CA1: variants seen among roughly 807,000 people sequenced by gnomAD.
The protein encoded by CA1 is carbonic anhydrase 1.
A neutral mutation model predicts 28.8 loss-of-function variants in CA1; 27 were observed. The observed-to-expected ratio is 0.94, with a 90% CI of 0.69 to 1.29. CA1 has a LOEUF of 1.29. Among genes scored for constraint, CA1 ranks in the 50% most tolerant of loss-of-function variants. The pLI, the probability that CA1 is intolerant of heterozygous loss-of-function variation, is 0.00. For synonymous variants in CA1, 121 were observed against 108.8 expected (o/e 1.11, Z -0.70); for missense variants, 335 against 310.5 (o/e 1.08, Z -0.59).
intron 1 of CA1, among the ~76,000 whole-genome samples, chr8:85,353,200 G>T (rs929957789): frequency 6.6e-6 from 1 of 152,192 alleles, no homozygotes; most frequent in African/African-American, 2.4e-5. Flanking sequence ...CTAACATGAC[G>T]CTATAGACTT....
chr8:85,349,158 A>T (rs1350044984), intron 1 of CA1, among the ~76,000 whole-genome samples: 1 of 152,226 alleles, frequency 6.6e-6, no homozygotes, highest in African/African-American at 2.4e-5. Flanking sequence ...AAGAAATAGA[A>T]ATAGTTTCTT....
chr8:85,369,081 C>G (rs982757603), intron 1 of CA1, among the ~76,000 whole-genome samples: 3 of 152,178 alleles, frequency 2.0e-5, no homozygotes, highest in Non-Finnish European at 2.9e-5. Context: ...CAGCCTTGAA[C>G]CCTGATCTCT....
At chr8:85,354,489 G>A (rs1809531922) in intron 1 of CA1, among the ~76,000 whole-genome samples, 2 of 152,088 alleles carry the variant, frequency 1.3e-5, no homozygotes, top group African/African-American at 4.8e-5. Flanking sequence ...TGTTTTTAGA[G>A]TTCTCTAAAA....
intron 1 of CA1, among the ~76,000 whole-genome samples, chr8:85,367,809 A>G (rs891276975): frequency 6.6e-6 from 1 of 152,208 alleles, no homozygotes; most frequent in African/African-American, 2.4e-5. Flanking sequence ...AGATGTACAC[A>G]AGTGATATCT....
chr8:85,341,293 C>T (rs1808916245), intron 2 of CA1: 1 of 271,180 alleles, frequency 3.7e-6, no homozygotes. Flanking sequence ...CTTGTAAATG[C>T]CATGGAAAAC....
At chr8:85,358,651 C>T (rs1014991863) in intron 1 of CA1, among the ~76,000 whole-genome samples, 4 of 152,194 alleles carry the variant, frequency 2.6e-5, no homozygotes, top group Non-Finnish European at 4.4e-5. Context: ...TATCCATACC[C>T]TTTTGTAGTC....
intron 1 of CA1, among the ~76,000 whole-genome samples, chr8:85,359,599 A>C (rs776179759): frequency 1.3e-5 from 2 of 152,236 alleles, no homozygotes; most frequent in Non-Finnish European, 2.9e-5. Context: ...ATGAAAAGGA[A>C]GCCCTGCATG....
chr8:85,372,686 C>G (rs1254994008), intron 1 of CA1, among the ~76,000 whole-genome samples: 3 of 152,170 alleles, frequency 2.0e-5, no homozygotes, highest in Non-Finnish European at 4.4e-5. Context: ...CCACCACAGT[C>G]CAAAATTATT....
At chr8:85,368,370 A>G (rs1165343200) in intron 1 of CA1, among the ~76,000 whole-genome samples, 1 of 151,902 alleles carries the variant, frequency 6.6e-6, no homozygotes, top group Non-Finnish European at 1.5e-5. Context: ...AGGTTTCACC[A>G]TGTTGGCTAG....
At chr8:85,348,876 A>G (rs913821029) in intron 1 of CA1, among the ~76,000 whole-genome samples, 1 of 152,188 alleles carries the variant, frequency 6.6e-6, no homozygotes, top group Admixed American at 6.5e-5. Flanking sequence ...GTGTGCTACT[A>G]CTAATAGAAA....
intron 1 of CA1, among the ~76,000 whole-genome samples, chr8:85,352,143 G>C (rs1235493527): frequency 1.3e-5 from 2 of 152,102 alleles, no homozygotes; most frequent in East Asian, 3.8e-4. Context: ...TGAAACACCA[G>C]GTCTGCATCC....
intron 2 of CA1, chr8:85,341,360 A>C: frequency 2.6e-6 from 1 of 387,446 alleles, no homozygotes; most frequent in South Asian, 5.9e-5. Context: ...AGGGGTCTGA[A>C]ACTGAACCTT....
chr8:85,340,541 G>A (rs1808871896), intron 2 of CA1, among the ~76,000 whole-genome samples: 1 of 152,158 alleles, frequency 6.6e-6, no homozygotes, highest in Non-Finnish European at 1.5e-5. Context: ...GCAGTCTATG[G>A]ATCAAGGAGT....
Position 85,334,900 on chromosome 8 carries a change from GA to G in CA1, c.355-1281del, listed in dbSNP as rs1281386779. On this transcript the variant is annotated intron_variant, in intron 4 of 7. Transcript: ENST00000523022. Reference sequence around the variant, plus strand: ...AGCTACTCAGGAGGCCGGGGCAGGAGAATCACTTGAACCTGAGAGGAGGAGG... The same window carrying G: ...AGCTACTCAGGAGGCCGGGGCAGGAGATCACTTGAACCTGAGAGGAGGAGG... Among the ~76,000 whole-genome samples the G allele has an allele frequency of 1.6e-4, 25 of 152,114 alleles. 1 individual carries two copies. Among genetic ancestry groups the G allele is most frequent in the Admixed American group, 1.6e-3 (25 of 15,244 alleles).
chr8:85,376,701 A>G (rs1009772026), intron 1 of CA1, among the ~76,000 whole-genome samples: 1 of 149,874 alleles, frequency 6.7e-6, no homozygotes, highest in Non-Finnish European at 1.5e-5. Context: ...AAATAAATAA[A>G]TAAATAAAAC....
In CA1 at chr8:85,332,493, G is replaced by T; in HGVS notation, c.510C>A (p.Thr170=). The T allele has an allele frequency of 1.2e-6, 2 of 1,610,254 alleles. No individual in the cohort carries two copies. The highest frequency in any genetic ancestry group is 1.3e-5 in the African/African-American group (1 of 74,882). The change falls in exon 6 of 8, where the codon ACC becomes ACA. Residue 170 remains threonine, a synonymous_variant. Coordinates refer to ENST00000523022, the MANE Select transcript of CA1 (RefSeq NM_001128831.4). ...KVLDALQAIK[T]KGKRAPFTNF... Reference sequence around the variant, plus strand: ...ACTACTTATTTAGTGTGTTTACCTTGGTTTTAATTGCTTGGAGGGCATCAA... The same window carrying T: ...ACTACTTATTTAGTGTGTTTACCTTTGTTTTAATTGCTTGGAGGGCATCAA...
At position 85,338,409 on chromosome 8, in the gene CA1, T is replaced by A; in HGVS notation, c.78A>T (p.Gly26=). The part of the protein sequence containing the change: ...QWSKLYPIAN[G]NNQSPVDIKT... ...TAATATCAACAGGGGACTGGTTATT[T>A]CCATTGGCAATGGGATACAGCTTGC... The change falls in exon 3 of 8, where the codon GGA becomes GGT. Residue 26 remains glycine, a synonymous_variant. Transcript: ENST00000523022. 2 of 1,613,988 alleles carry A rather than the reference T, an allele frequency of 1.2e-6. No homozygotes were observed. Among genetic ancestry groups the A allele is most frequent in the Non-Finnish European group, 1.7e-6 (2 of 1,179,916 alleles).
At chr8:85,376,673 AT>A (rs1363445850) in intron 1 of CA1, among the ~76,000 whole-genome samples, 17 of 148,242 alleles carry the variant, frequency 1.1e-4, no homozygotes, top group Admixed American at 1.0e-3. Context: ...AAATAAATAA[AT>A]AAATAAATAA....
intron 1 of CA1, chr8:85,373,377 G>A (rs1164044501): frequency 2.6e-5 from 4 of 152,214 alleles, no homozygotes; most frequent in Non-Finnish European, 4.4e-5. Context: ...CAGAAGGTCA[G>A]TAGCAGCCTA....
Sources: allele counts gnomAD v4.1 joint callset (sites outside exome capture counted in the v4.1 genomes callset), GRCh38; gene constraint gnomAD v4.1.1; transcripts MANE v1.5; gene names NCBI Gene and HGNC (gene_info 2026-07-23, HGNC 2026-07-21).